EIF3A: variants seen among roughly 807,000 people sequenced by gnomAD.
EIF3A encodes EIF3, p180 subunit.
In EIF3A, 21 loss-of-function variants were observed where a neutral mutation model predicts 186.6. The ratio of observed to expected loss-of-function variants is 0.11; its 90% CI spans 0.08 to 0.16. The LOEUF (loss-of-function observed/expected upper bound fraction) is 0.16. EIF3A is among the 10% of genes least tolerant of loss of function. The probability of loss-of-function intolerance (pLI) is 1.00; values close to 1 mark genes in which losing one functional copy is unlikely to be tolerated. For synonymous variants in EIF3A, 563 were observed against 584.3 expected (o/e 0.96, Z 0.52); for missense variants, 1,306 against 1,796.3 (o/e 0.73, Z 4.93).
rs1428064111 is a variant in EIF3A, at chr10:119,080,619, G to A, written c.49+9C>T. Reference sequence around the variant, plus strand: ...GCCCCAGCCCGGCGCGCCCCGATCAGCTACTCACCGTTGGCGCGTTTGAGG... The same window carrying A: ...GCCCCAGCCCGGCGCGCCCCGATCAACTACTCACCGTTGGCGCGTTTGAGG... On this transcript the variant is annotated intron_variant, in intron 1 of 21. Transcript: ENST00000369144. 1 of 1,585,398 alleles carries A rather than the reference G, an allele frequency of 6.3e-7. No homozygotes were observed. The highest frequency in any genetic ancestry group is 1.4e-5 in the African/African-American group (1 of 73,046).
intron 14 of EIF3A, among the ~76,000 whole-genome samples, chr10:119,053,815 G>C (rs1278253934): frequency 1.3e-5 from 2 of 152,188 alleles, no homozygotes; most frequent in African/African-American, 4.8e-5. Context: ...TCCTCCATCA[G>C]CACTTGCTGC....
At chr10:119,036,376 A>C (rs1193555616) in intron 21 of EIF3A, 108 bp from the exon 22 acceptor site, 1 of 680,652 alleles carries the variant, frequency 1.5e-6, no homozygotes, top group Non-Finnish European at 2.5e-6. Context: ...AATCATTGTT[A>C]AATACAGAAA....
At chr10:119,066,325 A>G (rs769273028) in intron 6 of EIF3A, among the ~76,000 whole-genome samples, 5 of 151,216 alleles carry the variant, frequency 3.3e-5, no homozygotes, top group Admixed American at 6.6e-5. Context: ...CCTGGACAAC[A>G]TGGTGAAACC....
At chr10:119,059,126 G>T in intron 11 of EIF3A, 86 bp downstream of exon 11, 3 of 1,048,284 alleles carry the variant, frequency 2.9e-6, no homozygotes, top group Non-Finnish European at 4.3e-6. Context: ...CTCAGATATT[G>T]TCTCAAACCT....
At position 119,042,368 on chromosome 10, in the gene EIF3A, C is replaced by T; in HGVS notation, c.3152G>A (p.Gly1051Glu). 6.2e-7 allele frequency: 1 copy of T among 1,613,926 alleles called. No homozygotes were observed. The highest frequency in any genetic ancestry group is 8.5e-7 in the Non-Finnish European group (1 of 1,179,956). ...GGATGATCGCTCATCATCAGCGCCT[C>T]CTCGCCTCGGCCCCCGGTCATCATC... The part of the protein sequence containing the change: ...GMDDDRGPRR[G>E]GADDERSSWR... The change falls in exon 19 of 22, where the codon GGA becomes GAA. Residue 1051 changes from glycine to glutamate, a missense_variant. Physicochemically the swap from Gly to Glu is moderately conservative, Grantham distance 98. This residue lies in a region of EIF3A where 410 missense variants were observed against 473.5 expected (regional missense o/e 0.87). Coordinates refer to ENST00000369144, the MANE Select transcript of EIF3A (RefSeq NM_003750.4). This position sits in a 1 kb window ranked among gnomAD's most constrained non-coding sequence, Gnocchi z 7.8.
chr10:119,063,268 ATG>A (rs1290517355), intron 7 of EIF3A, among the ~76,000 whole-genome samples: 3 of 152,198 alleles, frequency 2.0e-5, no homozygotes, highest in Non-Finnish European at 4.4e-5. Flanking sequence ...AGAAAAAAAC[ATG>A]GAGGAATACA....
intron 6 of EIF3A, among the ~76,000 whole-genome samples, chr10:119,066,409 T>C (rs1843979078): frequency 7.1e-6 from 1 of 141,106 alleles, no homozygotes; most frequent in Non-Finnish European, 1.5e-5. Flanking sequence ...CTCAGGAAGC[T>C]GAGGCAGGAG....
chr10:119,075,718 T>TTC (rs1229984955), intron 1 of EIF3A, among the ~76,000 whole-genome samples: 1 of 118,412 alleles, frequency 8.4e-6, no homozygotes, highest in Non-Finnish European at 1.8e-5. Flanking sequence ...AGACTTTTTT[T>TTC]TTTTTTTTTT....
intron 18 of EIF3A, among the ~76,000 whole-genome samples, chr10:119,043,317 A>ACAAGTGCCTCCCAGCTACTTGGGAGGCAC (rs1848239854): frequency 6.6e-6 from 1 of 152,136 alleles, no homozygotes; most frequent in African/African-American, 2.4e-5. Flanking sequence ...TGGGAGGATT[A>ACAAGTGCCTCCCAGCTACTTGGGAGGCAC]CAAGTGCCTC....
At chr10:119,045,225 G>A (rs1450308209) in intron 17 of EIF3A, among the ~76,000 whole-genome samples, 2 of 152,144 alleles carry the variant, frequency 1.3e-5, no homozygotes, top group African/African-American at 2.4e-5. Flanking sequence ...GATTATAGGT[G>A]TGAGCCACCA....
intron 8 of EIF3A, 176 bp from the exon 9 acceptor site, chr10:119,061,020 G>C: frequency 1.7e-6 from 1 of 577,396 alleles, no homozygotes; most frequent in South Asian, 2.4e-5. Context: ...GGCTAAATTA[G>C]TCATGCTGCT....
At chr10:119,080,340 G>C in intron 1 of EIF3A, 1 of 985,468 alleles carries the variant, frequency 1.0e-6, no homozygotes, top group Non-Finnish European at 1.2e-6. Context: ...CTCCAGTCCG[G>C]GTAGGGGCTG....
At chr10:119,053,646 G>C (rs1458790591) in intron 14 of EIF3A, among the ~76,000 whole-genome samples, 1 of 152,048 alleles carries the variant, frequency 6.6e-6, no homozygotes, top group East Asian at 1.9e-4. Flanking sequence ...CTTGAGCCCA[G>C]GGGGTAGATA....
intron 1 of EIF3A, among the ~76,000 whole-genome samples, chr10:119,075,703 GA>G (rs1434313032): frequency 9.0e-6 from 1 of 110,582 alleles, no homozygotes; most frequent in African/African-American, 3.3e-5. Flanking sequence ...ATTTTCCTTG[GA>G]AAAAGACTTT....
chr10:119,043,880 C>T (rs1269947421), intron 18 of EIF3A, among the ~76,000 whole-genome samples, 174 bp downstream of exon 18: 1 of 152,174 alleles, frequency 6.6e-6, no homozygotes, highest in Non-Finnish European at 1.5e-5. Flanking sequence ...CACTGCACCC[C>T]AGCCTGGGCA....
intron 6 of EIF3A, among the ~76,000 whole-genome samples, chr10:119,068,284 C>T (rs1056818828): frequency 1.3e-5 from 2 of 152,120 alleles, no homozygotes; most frequent in Non-Finnish European, 2.9e-5. Context: ...GGGTTATAGA[C>T]CCTTCCTTTT....
chr10:119,044,807 T>C (rs1848260057), intron 17 of EIF3A, among the ~76,000 whole-genome samples: 1 of 151,976 alleles, frequency 6.6e-6, no homozygotes. Flanking sequence ...AACATCACAC[T>C]ACTGCACTCC....
Position 119,065,560 on chromosome 10 carries a change from T to C in EIF3A, c.961A>G (p.Arg321Gly), listed in dbSNP as rs146445105. ...ATGGAAAGAGTGGCTAAAAGGACTCTAGTAGACATTCTATGGAGAACAAAG... is the reference window on the plus strand; with the variant it reads ...ATGGAAAGAGTGGCTAAAAGGACTCCAGTAGACATTCTATGGAGAACAAAG... ...TQDEMQRMST[R>G]VLLATLSIPI... is the part of the protein sequence containing the mutation. Residue 321 changes from arginine to glycine, a missense_variant, in exon 7 of 22, where the codon AGA (arginine) becomes GGA (glycine). Physicochemically the swap from Arg to Gly is moderately radical, Grantham distance 125 (BLOSUM62 -2). Coordinates refer to ENST00000369144, the MANE Select transcript of EIF3A (RefSeq NM_003750.4). 5 of 1,606,062 alleles carry C rather than the reference T, an allele frequency of 3.1e-6. No homozygotes were observed. The highest frequency in any genetic ancestry group is 4.3e-6 in the Non-Finnish European group (5 of 1,175,088).
Position 119,035,911 on chromosome 10 carries a change from A to C in EIF3A, c.*128T>G. The C allele has an allele frequency of 1.4e-6, 1 of 706,274 alleles. No homozygotes were observed. Among genetic ancestry groups the C allele is most frequent in the Non-Finnish European group, 2.4e-6 (1 of 416,424 alleles). The allele number at this position is 706,274 out of a possible 1,614,324, so 43.8% of individuals were successfully genotyped here. On this transcript the variant is annotated 3_prime_UTR_variant, in exon 22 of 22. Transcript: ENST00000369144. Reference sequence around the variant, plus strand: ...TATTATATAGGATTAATACAAGTTCATGCTTTTTGTGTTATGGTGAAACAA... The same window carrying C: ...TATTATATAGGATTAATACAAGTTCCTGCTTTTTGTGTTATGGTGAAACAA...
Sources: gnomAD v4.1 joint callset for allele counts (sites outside exome capture counted in the v4.1 genomes callset) on GRCh38, gnomAD v4.1.1 for gene constraint, gnomAD v4.1.1 regional missense constraint, Gnocchi (gnomAD v3.1) non-coding constraint, MANE v1.5 for transcripts, NCBI Gene and HGNC (gene_info 2026-07-23, HGNC 2026-07-21) for gene names.